APLF: variants seen among roughly 807,000 people sequenced by gnomAD.
APLF encodes the protein aprataxin and PNKP like factor.
APLF carries 61 observed loss-of-function variants against 55.6 expected under a neutral mutation model. The observed-to-expected ratio is 1.10, with a 90% CI of 0.89 to 1.36. APLF has a LOEUF of 1.36. Among genes scored for constraint, APLF ranks in the 40% most tolerant of loss-of-function variants. The pLI is 0.00. For synonymous variants in APLF, 207 were observed against 214.8 expected, an observed-to-expected ratio of 0.96 and a Z score of 0.32; for missense variants, 611 against 602.5, an observed-to-expected ratio of 1.01 and a Z score of -0.15.
chr2:68,549,171 C>T (rs1670789745), intron 8 of APLF, among the ~76,000 whole-genome samples: 1 of 151,936 alleles, frequency 6.6e-6, no homozygotes. Flanking sequence ...CAATAGGTTT[C>T]TCTTCATTTT....
chr2:68,499,656 T>C (rs1174405131), intron 2 of APLF, among the ~76,000 whole-genome samples: 1 of 152,084 alleles, frequency 6.6e-6, no homozygotes, highest in Non-Finnish European at 1.5e-5. Context: ...CTGGCCAATG[T>C]GGTGAAACCC....
At chr2:68,518,322 T>C (rs1229120489) in intron 5 of APLF, among the ~76,000 whole-genome samples, 22 of 113,002 alleles carry the variant, frequency 1.9e-4, no homozygotes, top group African/African-American at 7.7e-4. Context: ...TTTAATAATA[T>C]ATAATATATT....
At chr2:68,533,342 T>C (rs1309709002) in intron 6 of APLF, among the ~76,000 whole-genome samples, 2 of 152,204 alleles carry the variant, frequency 1.3e-5, no homozygotes, top group East Asian at 1.9e-4. Context: ...ATCTATATTA[T>C]ATTATAATCT....
intron 9 of APLF, among the ~76,000 whole-genome samples, chr2:68,567,874 A>T (rs1277051955): frequency 1.3e-5 from 2 of 152,100 alleles, no homozygotes; most frequent in African/African-American, 2.4e-5. Flanking sequence ...TGGGACGATA[A>T]TCACCCGTAA....
In APLF at chr2:68,539,249, T is replaced by G. The variant is rs111702829; in HGVS notation, c.1160+1022T>G. Among the ~76,000 whole-genome samples the G allele has an allele frequency of 2.2e-4, 33 of 152,350 alleles. 1 individual carries two copies. The highest frequency in any genetic ancestry group is 7.5e-4 in the African/African-American group (31 of 41,592). ...ATATATACCTTCTGTTACCTTGGAT[T>G]GTATTAGTTTGCCAGGGCTGCCATA... is the stretch of plus-strand genomic sequence containing the variant. On this transcript the variant is annotated intron_variant, in intron 7 of 9. Coordinates refer to ENST00000303795, the MANE Select transcript of APLF (RefSeq NM_173545.3).
chr2:68,498,863 G>A (rs1676635695), intron 2 of APLF, among the ~76,000 whole-genome samples: 1 of 152,056 alleles, frequency 6.6e-6, no homozygotes, highest in African/African-American at 2.4e-5. Flanking sequence ...TTTTATTATT[G>A]ACCCTCAAAA....
chr2:68,490,982 A>G (rs1676341002), intron 2 of APLF, among the ~76,000 whole-genome samples: 1 of 152,204 alleles, frequency 6.6e-6, no homozygotes, highest in Non-Finnish European at 1.5e-5. Context: ...TATTTTATAT[A>G]CCACTGCCTG....
intron 1 of APLF, among the ~76,000 whole-genome samples, chr2:68,472,175 T>C (rs1010991665): frequency 6.6e-6 from 1 of 152,188 alleles, no homozygotes; most frequent in Non-Finnish European, 1.5e-5. Context: ...ACTTCAGAGA[T>C]AGCAGGTTGT....
chr2:68,493,994 G>A (rs1676455632), intron 2 of APLF, among the ~76,000 whole-genome samples: 1 of 152,062 alleles, frequency 6.6e-6, no homozygotes, highest in South Asian at 2.1e-4. Context: ...TGTAGTCCCA[G>A]CTACTCAGGA....
At chr2:68,474,353 A>G (rs969940501) in intron 1 of APLF, among the ~76,000 whole-genome samples, 6 of 152,226 alleles carry the variant, frequency 3.9e-5, no homozygotes, top group African/African-American at 1.4e-4. Context: ...TGGGGCTGAA[A>G]GTCCCAATTC....
At chr2:68,468,250 G>A (rs1213019696) in intron 1 of APLF, among the ~76,000 whole-genome samples, 1 of 152,182 alleles carries the variant, frequency 6.6e-6, no homozygotes, top group Non-Finnish European at 1.5e-5. Context: ...GTAGTGTCTG[G>A]TCCTTTACAG....
At chr2:68,536,919 C>T (rs919188215) in intron 6 of APLF, among the ~76,000 whole-genome samples, 3 of 152,054 alleles carry the variant, frequency 2.0e-5, no homozygotes, top group Admixed American at 6.5e-5. Flanking sequence ...GTAATCCCAA[C>T]ACTTTGAGAA....
At chr2:68,498,044 C>T (rs78366059) in intron 2 of APLF, among the ~76,000 whole-genome samples, 5 of 152,182 alleles carry the variant, frequency 3.3e-5, no homozygotes, top group South Asian at 4.1e-4. Context: ...CTACAAGGTG[C>T]AATTTAAAGA....
chr2:68,519,272 T>A (rs750006622), intron 5 of APLF, among the ~76,000 whole-genome samples: 4 of 119,514 alleles, frequency 3.3e-5, no homozygotes, highest in Admixed American at 8.5e-5. Context: ...ATATAATATA[T>A]TATATGTATA....
chr2:68,571,224 T>A (rs1445745768), intron 9 of APLF, among the ~76,000 whole-genome samples: 3 of 152,024 alleles, frequency 2.0e-5, no homozygotes, highest in African/African-American at 7.2e-5. Context: ...ATTGCAAAAA[T>A]TTTTTCCAAT....
chr2:68,526,301 T>C, intron 6 of APLF, 59 bp downstream of exon 6: 1 of 1,533,440 alleles, frequency 6.5e-7, no homozygotes. Context: ...AGATAGAAAT[T>C]AATCATATGC....
intron 2 of APLF, among the ~76,000 whole-genome samples, chr2:68,498,516 C>T (rs1222771251): frequency 6.6e-6 from 1 of 152,146 alleles, no homozygotes; most frequent in Admixed American, 6.5e-5. Flanking sequence ...TTTTTTCCCT[C>T]TAATATTTCT....
chr2:68,523,815 T>C (rs1008875498), intron 5 of APLF, among the ~76,000 whole-genome samples: 16 of 151,976 alleles, frequency 1.1e-4, no homozygotes, highest in Admixed American at 2.6e-4. Context: ...ATACCAGATA[T>C]AAAGACTGTT....
rs1262190304 is a variant in APLF at position 68,579,351 on chromosome 2, G to A, written c.*1329G>A. ...CCCTTATAATGTCCCTTTAGCCTTG[G>A]TAGTATAACAAATCTACGAATGTAA... On this transcript the variant is annotated 3_prime_UTR_variant, in exon 10 of 10. Coordinates refer to ENST00000303795, the MANE Select transcript of APLF (RefSeq NM_173545.3). The A allele has an allele frequency of 6.2e-6, 6 of 973,410 alleles. No homozygotes were observed. Among genetic ancestry groups the A allele is most frequent in the Non-Finnish European group, 7.3e-6 (6 of 819,332 alleles). The allele number at this position is 973,410 out of a possible 1,614,324, so 60.3% of individuals were successfully genotyped here.
Sources: gnomAD v4.1 joint callset for allele counts (sites outside exome capture counted in the v4.1 genomes callset) on GRCh38, gnomAD v4.1.1 for gene constraint, MANE v1.5 for transcripts, NCBI Gene and HGNC (gene_info 2026-07-23, HGNC 2026-07-21) for gene names.